Variants in LINGO1 observed in about 807,000 individuals in gnomAD.
The protein encoded by LINGO1 is leucine-rich repeat and immunoglobulin-like domain-containing nogo receptor-interacting protein 1.
LINGO1 carries 11 observed loss-of-function variants against 37.3 expected under a neutral mutation model. The observed-to-expected ratio is 0.29, with a 90% CI of 0.19 to 0.49. The LOEUF (loss-of-function observed/expected upper bound fraction) is 0.49, where lower values mean the gene tolerates loss of function less well. Among genes scored for constraint, LINGO1 ranks in the 20% least tolerant of loss-of-function variants. LINGO1 has a pLI of 0.99. For synonymous variants in LINGO1, 387 were observed against 403.0 expected (o/e 0.96, Z 0.48); for missense variants, 585 against 878.2 (o/e 0.67, Z 4.22).
intron 3 of LINGO1, among the ~76,000 whole-genome samples, chr15:77,652,867 C>T (rs2074792199): frequency 6.6e-6 from 1 of 152,054 alleles, no homozygotes; most frequent in South Asian, 2.1e-4. Flanking sequence ...CTCTGTCGCC[C>T]CACCTGGCTT....
At chr15:77,742,829 G>A (rs1342304108) in intron 1 of LINGO1, among the ~76,000 whole-genome samples, 2 of 152,160 alleles carry the variant, frequency 1.3e-5, no homozygotes, top group Admixed American at 6.5e-5. Context: ...CAGCTGGAAG[G>A]GTAAGAAGGA....
chr15:77,718,483 CATGT>C (rs964984963), intron 2 of LINGO1, among the ~76,000 whole-genome samples: 2 of 150,944 alleles, frequency 1.3e-5, no homozygotes, highest in African/African-American at 4.8e-5. Flanking sequence ...GGACCACACA[CATGT>C]ATGTATTGCG....
intron 1 of LINGO1, among the ~76,000 whole-genome samples, chr15:77,779,482 T>C (rs1376006534): frequency 1.3e-5 from 2 of 152,146 alleles, no homozygotes; most frequent in African/African-American, 4.8e-5. Context: ...TGAGCTTTTT[T>C]TCCTGCAACT....
intron 2 of LINGO1, among the ~76,000 whole-genome samples, chr15:77,678,705 G>A (rs2075367026): frequency 6.6e-6 from 1 of 152,086 alleles, no homozygotes; most frequent in Non-Finnish European, 1.5e-5. Flanking sequence ...TGAGTTGTGT[G>A]GTAAGCCTAT....
At chr15:77,638,985 G>A (rs74025334), upstream of LINGO1, among the ~76,000 whole-genome samples, 18,486 of 152,086 alleles carry the variant, frequency 0.12, 1,857 homozygotes, top group African/African-American at 0.28. Context: ...ACCTTTTCTC[G>A]ATCACTTGCT....
chr15:77,683,783 T>G (rs999429861), intron 2 of LINGO1, among the ~76,000 whole-genome samples: 2 of 151,920 alleles, frequency 1.3e-5, no homozygotes, highest in Non-Finnish European at 2.9e-5. Flanking sequence ...CAGGACACAC[T>G]TCTATATTGT....
At chr15:77,728,801 G>T (rs1454514988) in intron 2 of LINGO1, among the ~76,000 whole-genome samples, 19 of 152,232 alleles carry the variant, frequency 1.2e-4, no homozygotes, top group Non-Finnish European at 2.9e-5. Context: ...TCCTCTGTCT[G>T]CACTTCAGTT....
intron 3 of LINGO1, among the ~76,000 whole-genome samples, chr15:77,654,349 A>C (rs1355792608): frequency 6.6e-6 from 1 of 152,172 alleles, no homozygotes; most frequent in Non-Finnish European, 1.5e-5. Context: ...GAGGCTCAGA[A>C]AGGTCCAGAA....
At chr15:77,792,454 T>C (rs2076825722) in intron 2 of LINGO1, among the ~76,000 whole-genome samples, 1 of 152,162 alleles carries the variant, frequency 6.6e-6, no homozygotes, top group African/African-American at 2.4e-5. Context: ...CCCCTCTTCC[T>C]CAAGGGCTGC....
At chr15:77,719,164 A>G (rs2141307953) in intron 2 of LINGO1, among the ~76,000 whole-genome samples, 1 of 149,586 alleles carries the variant, frequency 6.7e-6, no homozygotes, top group Admixed American at 6.7e-5. Context: ...ACCTCCTGGG[A>G]CGTCCTCCTC....
chr15:77,803,804 G>C (rs1364059682), intron 1 of LINGO1, among the ~76,000 whole-genome samples: 1 of 152,200 alleles, frequency 6.6e-6, no homozygotes, highest in Non-Finnish European at 1.5e-5. Context: ...AAGCTGAGCA[G>C]ATGTTGCCAC....
chr15:77,650,925 C>A (rs2074746077), intron 3 of LINGO1, among the ~76,000 whole-genome samples: 1 of 152,080 alleles, frequency 6.6e-6, no homozygotes, highest in African/African-American at 2.4e-5. Context: ...CTCTCCCAAG[C>A]CCATCCCTGA....
chr15:77,632,662 G>C lies in LINGO1; in HGVS notation c.-347C>G, dbSNP rs2074296595. ...CCGCCGCCGCCGCCTCTGCCGCTGG[G>C]GCCGGGGTCGAGGCCGGGCGCGCTC... On this transcript the variant is annotated 5_prime_UTR_variant, in exon 1 of 2. Transcript: ENST00000355300. This position sits in a 1 kb window ranked among gnomAD's most constrained non-coding sequence, Gnocchi z 6.0. 6.9e-6 allele frequency among the ~76,000 whole-genome samples: 1 copy of C among 145,688 alleles called. No homozygotes were observed. The highest frequency in any genetic ancestry group is 1.5e-5 in the Non-Finnish European group (1 of 65,632).
chr15:77,759,736 T>TG (rs1376811318), intron 1 of LINGO1, among the ~76,000 whole-genome samples: 2 of 152,220 alleles, frequency 1.3e-5, no homozygotes, highest in Non-Finnish European at 2.9e-5. Context: ...CCAGTTTACA[T>TG]GGGGGCGTCT....
intron 1 of LINGO1, among the ~76,000 whole-genome samples, chr15:77,766,824 T>C (rs1039047054): frequency 3.9e-5 from 6 of 152,042 alleles, no homozygotes; most frequent in African/African-American, 1.5e-4. Context: ...AATGGACCAA[T>C]ACAAGAATAT....
chr15:77,670,573 G>A (rs1280794005), intron 3 of LINGO1, among the ~76,000 whole-genome samples: 2 of 152,210 alleles, frequency 1.3e-5, no homozygotes, highest in Non-Finnish European at 2.9e-5. Context: ...AGTGACCACA[G>A]CACCATGTTA....
chr15:77,769,444 G>A (rs35977825), intron 1 of LINGO1, among the ~76,000 whole-genome samples: 25,424 of 152,150 alleles, frequency 0.17, 3,031 homozygotes, highest in African/African-American at 0.35. Flanking sequence ...ACCCTGGGAC[G>A]TGCTCTGGCA....
chr15:77,652,530 G>GTGTGTGTGTGTGTGTT (rs1461851046), intron 3 of LINGO1, among the ~76,000 whole-genome samples: 79 of 144,868 alleles, frequency 5.5e-4, no homozygotes, highest in African/African-American at 2.1e-3. Context: ...GTGTGTGTGT[G>GTGTGTGTGTGTGTGTT]TTGCCAGAAT....
At chr15:77,648,197 A>C in intron 3 of LINGO1, 1 of 311,024 alleles carries the variant, frequency 3.2e-6, no homozygotes, top group South Asian at 2.8e-5. Context: ...TGTAGTATTA[A>C]CATACAAGTT....
Sources: allele counts gnomAD v4.1 joint callset (sites outside exome capture counted in the v4.1 genomes callset), GRCh38; gene constraint gnomAD v4.1.1; non-coding constraint Gnocchi (gnomAD v3.1); transcripts MANE v1.5; gene names NCBI Gene and HGNC (gene_info 2026-07-23, HGNC 2026-07-21).